The following CAPN3 variants were observed in gnomAD, a reference collection of about 807,000 sequenced individuals.
CAPN3 encodes calpain 3, also known as calpain-3.
CAPN3 carries 88 observed loss-of-function variants against 114.0 expected under a neutral mutation model. That is an observed-to-expected ratio of 0.77 (90% CI 0.65 to 0.92). The LOEUF (loss-of-function observed/expected upper bound fraction) is 0.92. CAPN3 is among the 40% of genes least tolerant of loss of function. The pLI, the probability that CAPN3 is intolerant of heterozygous loss-of-function variation, is 0.00. For missense variants in CAPN3, 1,028 were observed against 1,069.0 expected (o/e 0.96, Z 0.53); for synonymous variants, 386 against 382.9 (o/e 1.01, Z -0.09).
intron 1 of CAPN3, among the ~76,000 whole-genome samples, chr15:42,370,540 A>C (rs116777709): frequency 0.017 from 2,606 of 152,186 alleles, 76 homozygotes; most frequent in African/African-American, 0.059. Flanking sequence ...GATCTGCTTT[A>C]AGAGTGTTAC....
intron 7 of CAPN3, among the ~76,000 whole-genome samples, chr15:42,393,595 CTTTTT>C (rs199564761): frequency 7.8e-6 from 1 of 128,856 alleles, no homozygotes; most frequent in African/African-American, 2.8e-5. Flanking sequence ...TTCTTTCTTT[CTTTTT>C]TTTTTTTTTT....
intron 2 of CAPN3, 49 bp downstream of exon 2, chr15:42,384,601 T>C: frequency 6.7e-6 from 9 of 1,341,814 alleles, no homozygotes; most frequent in Non-Finnish European, 8.6e-6. Flanking sequence ...AAGGGGTGAT[T>C]ACAAGGTGTG....
At chr15:42,403,985 CA>C (rs2053947798) in intron 14 of CAPN3, 1 of 663,442 alleles carries the variant, frequency 1.5e-6, no homozygotes, top group African/African-American at 1.8e-5. Flanking sequence ...TGAGGCAGTT[CA>C]GGGGCTGGGA....
At position 42,360,114 on chromosome 15, in the gene CAPN3, G is replaced by A. The variant is rs376146681; in HGVS notation, c.309G>A (p.Pro103=). 31 of 1,614,028 alleles carry A rather than the reference G, an allele frequency of 1.9e-5. No individual in the cohort carries two copies. Among genetic ancestry groups the A allele is most frequent in the South Asian group, 8.8e-5 (8 of 91,080 alleles). The stretch of plus-strand genomic sequence containing the variant: ...TCCAGTTCGTCTGGAAGAGACCTCC[G>A]GTGAGTAGCTTCCTGCTTGCTGGCT... ...FPIQFVWKRP[P]EICENPRFII... is the part of the protein sequence containing the mutation. Residue 103 remains proline (P), a splice_region_variant and synonymous_variant, in exon 1 of 24, where the codon CCG becomes CCA. Transcript: ENST00000397163.
chr15:42,411,872 A>G lies in CAPN3; in HGVS notation c.*99A>G. 1 of 1,603,206 alleles carries G rather than the reference A, an allele frequency of 6.2e-7. No individual in the cohort carries two copies. The highest frequency in any genetic ancestry group is 8.5e-7 in the Non-Finnish European group (1 of 1,174,692). On this transcript the variant is annotated 3_prime_UTR_variant, in exon 24 of 24. Coordinates refer to ENST00000397163, the MANE Select transcript of CAPN3 (RefSeq NM_000070.3). ...TTACCTCAAAGGACCCAGCAGCTAC[A>G]CCCCTACAGGCTTCCAGGCACCTCA...
In CAPN3 at chr15:42,389,000, GGC is replaced by G. The variant is rs2053481310; in HGVS notation, c.706_707del (p.Ala236ArgfsTer4). 1 of 1,613,984 alleles carries G rather than the reference GGC, an allele frequency of 6.2e-7. No homozygotes were observed. Among genetic ancestry groups the G allele is most frequent in the African/African-American group, 1.3e-5 (1 of 74,896 alleles). On this transcript the variant is annotated frameshift_variant, in exon 5 of 24. Coordinates refer to ENST00000397163, the MANE Select transcript of CAPN3 (RefSeq NM_000070.3). LOFTEE classifies it high-confidence loss of function. ...EAMEDFTGGVAEFFEIRDAPS... is the reference protein window; with the variant it reads ...EAMEDFTGGVXEFFEIRDAPS... ...CCATGGAGGACTTCACAGGAGGGGT[GGC>G]AGAGTTTTTTGAGATCAGGGATGCT...
At chr15:42,393,361 A>G (rs1238915545) in intron 7 of CAPN3, among the ~76,000 whole-genome samples, 1 of 152,146 alleles carries the variant, frequency 6.6e-6, no homozygotes, top group Non-Finnish European at 1.5e-5. Context: ...AAAGCCATGG[A>G]TACGAGAGGC....
chr15:42,399,501 T>G lies in CAPN3; in HGVS notation c.1203T>G (p.Tyr401Ter). The G allele has an allele frequency of 6.2e-7, 1 of 1,613,336 alleles. No homozygotes were observed. Among genetic ancestry groups the G allele is most frequent in the Non-Finnish European group, 8.5e-7 (1 of 1,179,312 alleles). The change falls in exon 10 of 24, where the codon TAT becomes TAG. Residue 401 changes from tyrosine (Y) to a stop codon, truncating the protein, a stop_gained. Transcript: ENST00000397163. LOFTEE classifies it high-confidence loss of function. ...VTEDGEFWMS[Y>*]EDFIYHFTKL... ...TCTTCCAACCTCTCAGGATGTCCTATGAGGATTTCATCTACCATTTCACAA... is the reference window on the plus strand; with the variant it reads ...TCTTCCAACCTCTCAGGATGTCCTAGGAGGATTTCATCTACCATTTCACAA...
chr15:42,364,733 CA>C (rs769805500), intron 1 of CAPN3, among the ~76,000 whole-genome samples: 1 of 152,342 alleles, frequency 6.6e-6, no homozygotes, highest in African/African-American at 2.4e-5. Flanking sequence ...GGAAACTTGG[CA>C]CCTTGCCCAG....
intron 8 of CAPN3, among the ~76,000 whole-genome samples, chr15:42,396,495 C>T (rs926902040): frequency 3.3e-5 from 5 of 152,136 alleles, no homozygotes; most frequent in Non-Finnish European, 5.9e-5. Flanking sequence ...CCACCTCGGC[C>T]TCCCAAAGTG....
At chr15:42,364,800 C>G (rs996022298) in intron 1 of CAPN3, among the ~76,000 whole-genome samples, 3 of 152,186 alleles carry the variant, frequency 2.0e-5, no homozygotes, top group Non-Finnish European at 2.9e-5. Context: ...CTTCGTTTTT[C>G]CCATCTGCAT....
At chr15:42,369,409 G>A (rs1322122255) in intron 1 of CAPN3, among the ~76,000 whole-genome samples, 1 of 152,004 alleles carries the variant, frequency 6.6e-6, no homozygotes, top group African/African-American at 2.4e-5. Context: ...GGCTGAGGTG[G>A]GAGGATCACT....
At chr15:42,411,254 T>C (rs370770701) in intron 22 of CAPN3, 33 bp from the exon 23 acceptor site, 4 of 1,597,532 alleles carry the variant, frequency 2.5e-6, no homozygotes, top group Non-Finnish European at 3.4e-6. Flanking sequence ...AGTGCGCCTG[T>C]AACTGGCCTC....
At chr15:42,402,270 A>G in intron 12 of CAPN3, 135 bp downstream of exon 12, 1 of 1,597,540 alleles carries the variant, frequency 6.3e-7, no homozygotes, top group Admixed American at 1.7e-5. Context: ...TGCCTGTGTT[A>G]TTTCCACTGC....
intron 1 of CAPN3, among the ~76,000 whole-genome samples, chr15:42,379,310 CAAAAA>C (rs879913460): frequency 7.2e-6 from 1 of 138,580 alleles, no homozygotes; most frequent in African/African-American, 2.7e-5. Context: ...GACTCTGTCT[CAAAAA>C]AAAAAAATTG....
chr15:42,393,192 C>G (rs1217451597), intron 7 of CAPN3, among the ~76,000 whole-genome samples: 1 of 152,186 alleles, frequency 6.6e-6, no homozygotes, highest in African/African-American at 2.4e-5. Flanking sequence ...CTCCCATATA[C>G]TTTAAGTCAT....
intron 1 of CAPN3, among the ~76,000 whole-genome samples, chr15:42,362,618 C>G (rs2141108272): frequency 6.6e-6 from 1 of 152,308 alleles, no homozygotes; most frequent in South Asian, 2.1e-4. Flanking sequence ...ATTGGGTTCA[C>G]TAGCATAAAT....
chr15:42,402,875 A>T lies in CAPN3; in HGVS notation c.1618A>T (p.Met540Leu). ...GGCCAGGAGCAAAACCTACATCAAC[A>T]TGCGGGAGGTGTCCCAGCGCTTCCG... ...SKARSKTYIN[M>L]REVSQRFRLP... Residue 540 changes from methionine to leucine, a missense_variant, in exon 13 of 24, where the codon ATG (methionine) becomes TTG (leucine). Physicochemically the swap from Met to Leu is conservative, Grantham distance 15. Coordinates refer to ENST00000397163, the MANE Select transcript of CAPN3 (RefSeq NM_000070.3). The T allele has an allele frequency of 6.2e-7, 1 of 1,614,130 alleles. No individual in the cohort carries two copies. Among genetic ancestry groups the T allele is most frequent in the Non-Finnish European group, 8.5e-7 (1 of 1,179,972 alleles).
intron 14 of CAPN3, chr15:42,404,730 G>A: frequency 8.6e-7 from 1 of 1,157,628 alleles, no homozygotes; most frequent in Non-Finnish European, 1.1e-6. Flanking sequence ...AGGCCAATGG[G>A]AGGACAAATG....
Sources: gnomAD v4.1 joint callset for allele counts (sites outside exome capture counted in the v4.1 genomes callset) on GRCh38, gnomAD v4.1.1 for gene constraint, MANE v1.5 for transcripts, NCBI Gene and HGNC (gene_info 2026-07-23, HGNC 2026-07-21) for gene names.